DLG2: variants seen among roughly 807,000 people sequenced by gnomAD.
The protein encoded by DLG2 is discs large MAGUK scaffold protein 2, also known as disks large homolog 2.
A neutral mutation model predicts 132.5 loss-of-function variants in DLG2; 45 were observed. That is an observed-to-expected ratio of 0.34 (90% CI 0.27 to 0.44). The LOEUF is 0.44. Ranked by LOEUF, DLG2 falls within the 20% of genes least tolerant of loss-of-function variation. The pLI, the probability that DLG2 is intolerant of heterozygous loss-of-function variation, is 1.00. For synonymous variants in DLG2, 424 were observed against 419.6 expected (o/e 1.01, Z -0.13); for missense variants, 1,045 against 1,196.9 (o/e 0.87, Z 1.87).
chr11:85,239,403 A>G (rs2075764354), intron 4 of DLG2, among the ~76,000 whole-genome samples: 1 of 152,110 alleles, frequency 6.6e-6, no homozygotes, highest in Admixed American at 6.6e-5. Flanking sequence ...TATATTTTAT[A>G]GTAGTAAATG....
chr11:85,617,515 A>T (rs1056967941), intron 2 of DLG2, among the ~76,000 whole-genome samples: 4 of 152,220 alleles, frequency 2.6e-5, no homozygotes, highest in Admixed American at 2.6e-4. Flanking sequence ...ACAGGCAGAG[A>T]TTGAATATCA....
chr11:85,092,088 C>T (rs1342212033), intron 6 of DLG2, among the ~76,000 whole-genome samples: 2 of 152,184 alleles, frequency 1.3e-5, no homozygotes, highest in South Asian at 4.1e-4. Flanking sequence ...AAAATTACTC[C>T]TTGATCCATG....
At chr11:84,139,833 G>A (rs1281235174) in intron 9 of DLG2, among the ~76,000 whole-genome samples, 1 of 152,288 alleles carries the variant, frequency 6.6e-6, no homozygotes, top group Non-Finnish European at 1.5e-5. Flanking sequence ...AACAGTAATT[G>A]TTCCAAATTT....
chr11:84,488,457 C>A (rs1323737751), intron 7 of DLG2, among the ~76,000 whole-genome samples: 1 of 152,128 alleles, frequency 6.6e-6, no homozygotes. Flanking sequence ...CCAAGTTAGC[C>A]TCTTTGCTGT....
intron 3 of DLG2, among the ~76,000 whole-genome samples, chr11:85,418,931 A>G (rs184404832): frequency 6.6e-6 from 1 of 152,112 alleles, no homozygotes; most frequent in East Asian, 1.9e-4. Flanking sequence ...GCCCATTTAC[A>G]TTTAAGGTTA....
At chr11:84,373,249 C>CAAAAAAAAAAAACAAAAAAAA (rs2098713553) in intron 7 of DLG2, among the ~76,000 whole-genome samples, 1 of 41,664 alleles carries the variant, frequency 2.4e-5, no homozygotes, top group Non-Finnish European at 3.7e-5. Context: ...AAGAAACAGT[C>CAAAAAAAAAAAACAAAAAAAA]AAAAAAAAAA....
chr11:84,114,701 C>A, intron 9 of DLG2, among the ~76,000 whole-genome samples: 1 of 151,974 alleles, frequency 6.6e-6, no homozygotes, highest in East Asian at 1.9e-4. Flanking sequence ...CATTCTTTTT[C>A]TTTTTTTCTT....
At chr11:84,349,099 T>G (rs2098551382) in intron 7 of DLG2, among the ~76,000 whole-genome samples, 1 of 152,228 alleles carries the variant, frequency 6.6e-6, no homozygotes, top group South Asian at 2.1e-4. Flanking sequence ...TCAATTAGAT[T>G]ACCTCCCGGT....
rs187391218 is a variant in DLG2 at position 83,908,434 on chromosome 11, T to C, written c.1496+21894A>G. ...CTGTATTGATTATGACTGTCTTTTT[T>C]TCTCTCTCTCTCTCCATACGCACAT... On this transcript the variant is annotated intron_variant, in intron 15 of 27. Coordinates refer to ENST00000376104, the MANE Select transcript of DLG2 (RefSeq NM_001142699.3). 1.1e-4 allele frequency among the ~76,000 whole-genome samples: 17 copies of C among 151,992 alleles called. No individual in the cohort carries two copies. The East Asian group carries it at 3.1e-3, about 28-fold the overall frequency.
At chr11:85,443,591 C>A (rs954705459) in intron 3 of DLG2, among the ~76,000 whole-genome samples, 6 of 152,164 alleles carry the variant, frequency 3.9e-5, no homozygotes, top group African/African-American at 9.7e-5. Flanking sequence ...TTCTCAACAC[C>A]TCTGTTTCTT....
intron 8 of DLG2, among the ~76,000 whole-genome samples, chr11:84,237,760 G>A (rs2097176336): frequency 1.4e-5 from 2 of 147,276 alleles, no homozygotes; most frequent in Admixed American, 6.9e-5. Context: ...AGACACAGCC[G>A]GGCATGGTGG....
rs1258450344 is a variant in DLG2 at position 83,456,000 on chromosome 11, C to CA, written c.*3817dup. 12 of 152,718 alleles carry CA rather than the reference C, an allele frequency of 7.9e-5. No homozygotes were observed. The highest frequency in any genetic ancestry group is 2.9e-4 in the African/African-American group (12 of 41,536). 9.5% of individuals were successfully genotyped at this position (152,718 alleles called of 1,614,324 possible). A position where few individuals can be genotyped will look rare whatever the true frequency, so the allele number is the denominator to read the frequency against. ...GTCCATTCAGTCTCACCAGAGCAAT[C>CA]ACCAGCTGAAAAGCAGAGGGGGCTT... On this transcript the variant is annotated 3_prime_UTR_variant, in exon 28 of 28. Transcript: ENST00000376104.
intron 4 of DLG2, among the ~76,000 whole-genome samples, chr11:85,215,148 G>A (rs2082497776): frequency 6.6e-6 from 1 of 152,132 alleles, no homozygotes; most frequent in Admixed American, 6.6e-5. Flanking sequence ...ACAAACACAA[G>A]TTCATAATTT....
At chr11:83,802,913 G>A (rs2044865255) in intron 17 of DLG2, among the ~76,000 whole-genome samples, 1 of 151,964 alleles carries the variant, frequency 6.6e-6, no homozygotes, top group South Asian at 2.1e-4. Context: ...TGCTGAAGAG[G>A]AGAGAATGGG....
chr11:85,253,410 C>T (rs973298879), intron 4 of DLG2, among the ~76,000 whole-genome samples: 2 of 152,142 alleles, frequency 1.3e-5, no homozygotes, highest in Non-Finnish European at 2.9e-5. Context: ...AACTGGCTGG[C>T]CACTTTAGTG....
intron 3 of DLG2, among the ~76,000 whole-genome samples, chr11:85,288,440 A>G (rs943700464): frequency 2.0e-5 from 3 of 152,072 alleles, no homozygotes. Flanking sequence ...GAAATAAGGA[A>G]TAAAAAAAAG....
intron 19 of DLG2, among the ~76,000 whole-genome samples, chr11:83,606,663 C>T (rs1290851542): frequency 6.6e-6 from 1 of 151,592 alleles, no homozygotes; most frequent in African/African-American, 2.4e-5. Context: ...CGCGGTAGCT[C>T]ACGCCTGTAA....
chr11:84,168,691 T>C (rs2095734654), intron 8 of DLG2, among the ~76,000 whole-genome samples: 1 of 152,190 alleles, frequency 6.6e-6, no homozygotes, highest in Non-Finnish European at 1.5e-5. Context: ...GGGGATGCCA[T>C]GCCTACTGGG....
chr11:84,898,685 C>T (rs2090509118), intron 6 of DLG2, among the ~76,000 whole-genome samples: 2 of 151,862 alleles, frequency 1.3e-5, no homozygotes, highest in Non-Finnish European at 2.9e-5. Context: ...CCTCTCTCCC[C>T]TCCACTGTTC....
Sources: allele counts gnomAD v4.1 joint callset (sites outside exome capture counted in the v4.1 genomes callset), GRCh38; gene constraint gnomAD v4.1.1; transcripts MANE v1.5; gene names NCBI Gene and HGNC (gene_info 2026-07-23, HGNC 2026-07-21).